Variants in ASTN2 observed in about 807,000 individuals in gnomAD.
The protein encoded by ASTN2 is astrotactin-2.
ASTN2 carries 54 observed loss-of-function variants against 139.8 expected under a neutral mutation model. The observed-to-expected ratio is 0.39, with a 90% CI of 0.31 to 0.48. ASTN2 has a LOEUF of 0.48. ASTN2 is among the 20% of genes least tolerant of loss of function. The pLI is 0.95. For missense variants in ASTN2, 1,565 were observed against 1,725.1 expected (o/e 0.91, Z 1.64); for synonymous variants, 756 against 719.5 (o/e 1.05, Z -0.81).
At position 116,425,552 on chromosome 9, in the gene ASTN2, T is replaced by G. The variant is rs748342020; in HGVS notation, c.*299A>C. 6.2e-7 allele frequency: 1 copy of G among 1,612,592 alleles called. No homozygotes were observed. Reference sequence around the variant, plus strand: ...GGCCGCTTGGTCTCCACCTGAAAACTTCTGCCTCGGGATTGACAGCCATCC... The same window carrying G: ...GGCCGCTTGGTCTCCACCTGAAAACGTCTGCCTCGGGATTGACAGCCATCC... On this transcript the variant is annotated 3_prime_UTR_variant, in exon 23 of 23. Transcript: ENST00000313400.
intron 11 of ASTN2, among the ~76,000 whole-genome samples, chr9:116,821,690 T>C (rs761491685): frequency 6.6e-6 from 1 of 152,050 alleles, no homozygotes; most frequent in Non-Finnish European, 1.5e-5. Flanking sequence ...ATAGACAACC[T>C]AGTCCTCTGC....
chr9:117,411,318 C>G (rs1322045436), intron 1 of ASTN2, among the ~76,000 whole-genome samples: 1 of 151,996 alleles, frequency 6.6e-6, no homozygotes, highest in Non-Finnish European at 1.5e-5. Flanking sequence ...GACTTATAAT[C>G]AGATTCTAAA....
chr9:116,932,125 G>A (rs1286248153), intron 10 of ASTN2, among the ~76,000 whole-genome samples: 1 of 152,158 alleles, frequency 6.6e-6, no homozygotes, highest in Non-Finnish European at 1.5e-5. Flanking sequence ...AAGCTGCTGT[G>A]AGTTTAAAGC....
chr9:117,272,186 AG>A (rs2133126661), intron 2 of ASTN2, among the ~76,000 whole-genome samples: 1 of 152,332 alleles, frequency 6.6e-6, no homozygotes, highest in African/African-American at 2.4e-5. Flanking sequence ...GTGCACCTGC[AG>A]GCTAAACACC....
chr9:116,979,887 T>C (rs561031517), intron 7 of ASTN2, among the ~76,000 whole-genome samples: 4 of 152,178 alleles, frequency 2.6e-5, no homozygotes, highest in African/African-American at 7.2e-5. Context: ...ATTGGTGACA[T>C]TGAGAAATTT....
intron 5 of ASTN2, among the ~76,000 whole-genome samples, chr9:117,056,636 C>T (rs1839071950): frequency 6.6e-6 from 1 of 152,180 alleles, no homozygotes; most frequent in Non-Finnish European, 1.5e-5. Flanking sequence ...GTCAGCTTCA[C>T]ACAGGAGGCA....
chr9:117,253,063 G>A (rs1349027711), intron 2 of ASTN2, among the ~76,000 whole-genome samples: 1 of 152,174 alleles, frequency 6.6e-6, no homozygotes, highest in African/African-American at 2.4e-5. Flanking sequence ...TTAAATAGAT[G>A]ATGTAGATTG....
chr9:116,655,779 C>A (rs1858175579), intron 16 of ASTN2, among the ~76,000 whole-genome samples: 3 of 152,166 alleles, frequency 2.0e-5, no homozygotes, highest in Non-Finnish European at 4.4e-5. Context: ...AAATCTCTGC[C>A]TCCTGGGCTT....
chr9:117,098,713 C>A (rs1828897208), intron 4 of ASTN2, among the ~76,000 whole-genome samples: 1 of 150,772 alleles, frequency 6.6e-6, no homozygotes, highest in South Asian at 2.1e-4. Flanking sequence ...TTGGAAGTGA[C>A]TGGAGAGCAG....
intron 3 of ASTN2, 85 bp from the exon 4 acceptor site, chr9:117,141,563 C>T (rs560576432): frequency 8.2e-7 from 1 of 1,223,552 alleles, no homozygotes; most frequent in African/African-American, 1.6e-5. Context: ...GGGCTTGAGC[C>T]CACCTTCAGC....
chr9:116,659,717 C>T (rs1858440898), intron 16 of ASTN2, among the ~76,000 whole-genome samples: 1 of 152,150 alleles, frequency 6.6e-6, no homozygotes, highest in Admixed American at 6.5e-5. Context: ...TTTCCATGGG[C>T]TAATAGGGTC....
chr9:116,582,430 A>G (rs1853986847), intron 19 of ASTN2: 1 of 152,248 alleles, frequency 6.6e-6, no homozygotes, highest in Non-Finnish European at 1.5e-5. Context: ...GCCACATACT[A>G]ATGTCCATAG....
intron 20 of ASTN2, among the ~76,000 whole-genome samples, chr9:116,481,399 AC>A (rs1484928811): frequency 1.3e-5 from 2 of 152,124 alleles, no homozygotes; most frequent in Non-Finnish European, 2.9e-5. Context: ...TCAAAATGAA[AC>A]AAAAAATCTG....
chr9:117,278,771 T>G (rs1834256274), intron 2 of ASTN2, among the ~76,000 whole-genome samples: 1 of 152,196 alleles, frequency 6.6e-6, no homozygotes, highest in African/African-American at 2.4e-5. Flanking sequence ...TTTGACTGTA[T>G]CGGTGGATTT....
At chr9:116,858,909 G>A (rs770627928) in intron 11 of ASTN2, among the ~76,000 whole-genome samples, 8 of 152,074 alleles carry the variant, frequency 5.3e-5, no homozygotes, top group Non-Finnish European at 1.0e-4. Context: ...TTAAAGTAAC[G>A]CAAATTTATT....
At chr9:116,854,692 C>G (rs971607533) in intron 11 of ASTN2, among the ~76,000 whole-genome samples, 1 of 150,988 alleles carries the variant, frequency 6.6e-6, no homozygotes, top group African/African-American at 2.4e-5. Flanking sequence ...CCCTCTGTCC[C>G]CCAGGCTGGA....
chr9:117,007,096 T>C (rs1350380245), intron 7 of ASTN2, among the ~76,000 whole-genome samples: 2 of 152,076 alleles, frequency 1.3e-5, no homozygotes, highest in African/African-American at 4.8e-5. Context: ...TTTACCTCCT[T>C]CTGCCTGGAA....
At chr9:117,380,283 T>C (rs778045673) in intron 1 of ASTN2, among the ~76,000 whole-genome samples, 33 of 152,094 alleles carry the variant, frequency 2.2e-4, no homozygotes, top group Non-Finnish European at 4.3e-4. Context: ...ATAAGTTTTC[T>C]GGAGAAAGAG....
intron 1 of ASTN2, among the ~76,000 whole-genome samples, chr9:117,374,592 A>G (rs928762636): frequency 6.6e-6 from 1 of 152,140 alleles, no homozygotes; most frequent in Admixed American, 6.6e-5. Context: ...AAGAATAATG[A>G]TGGAAATAAT....
Sources: gnomAD v4.1 joint callset for allele counts (sites outside exome capture counted in the v4.1 genomes callset) on GRCh38, gnomAD v4.1.1 for gene constraint, MANE v1.5 for transcripts, NCBI Gene and HGNC (gene_info 2026-07-23, HGNC 2026-07-21) for gene names.